DNAH12: variants seen among roughly 807,000 people sequenced by gnomAD.
DNAH12 encodes the protein dynein axonemal heavy chain 12, also known as axonemal beta dynein heavy chain 12.
A neutral mutation model predicts 371.5 loss-of-function variants in DNAH12; 285 were observed. The ratio of observed to expected loss-of-function variants is 0.77; its 90% CI spans 0.70 to 0.85. The LOEUF (loss-of-function observed/expected upper bound fraction) is 0.85, where lower values mean the gene tolerates loss of function less well. Ranked by LOEUF, DNAH12 falls within the 40% of genes least tolerant of loss-of-function variation. The pLI is 0.00. For missense variants in DNAH12, 3,611 were observed against 3,689.4 expected (o/e 0.98, Z 0.55); for synonymous variants, 1,200 against 1,213.0 (o/e 0.99, Z 0.22).
chr3:57,402,768 C>T (rs1553679393), intron 43 of DNAH12, among the ~76,000 whole-genome samples: 1 of 152,100 alleles, frequency 6.6e-6, no homozygotes, highest in Non-Finnish European at 1.5e-5. Flanking sequence ...TTCAATAGTA[C>T]AATAGCGCAA....
chr3:57,396,278 C>CAAAA (rs1191377249), intron 43 of DNAH12, among the ~76,000 whole-genome samples: 2 of 100,394 alleles, frequency 2.0e-5, no homozygotes, highest in Admixed American at 1.2e-4. Flanking sequence ...GACTGCATCT[C>CAAAA]AAAAAAAAAA....
At chr3:57,346,901 C>CA (rs74310608) in intron 60 of DNAH12, among the ~76,000 whole-genome samples, 47,976 of 151,904 alleles carry the variant, frequency 0.32, 8,571 homozygotes, top group Non-Finnish European at 0.41. Flanking sequence ...CAGAATCTCC[C>CA]AAAACTCTCA....
At position 57,296,465 on chromosome 3, in the gene DNAH12, T is replaced by A. The variant is rs1395975841; in HGVS notation, c.11533-30A>T. 28 of 1,484,300 alleles carry A rather than the reference T, an allele frequency of 1.9e-5. No homozygotes were observed. In the Admixed American group the frequency reaches 5.3e-4, roughly 28 times the overall value. 91.9% of individuals were successfully genotyped at this position (1,484,300 alleles called of 1,614,324 possible). A position where few individuals can be genotyped will look rare whatever the true frequency, so the allele number is the denominator to read the frequency against. ...AGGGATAGGCACACACTAGCAGTGA[T>A]CCTCTCCAGACAACTTCATCTCATA... is the stretch of plus-strand genomic sequence containing the variant. On this transcript the variant is annotated intron_variant, in intron 71 of 73. Coordinates refer to ENST00000495027, the MANE Select transcript of DNAH12 (RefSeq NM_001366028.2).
intron 69 of DNAH12, among the ~76,000 whole-genome samples, chr3:57,304,723 G>A (rs1460100379): frequency 6.6e-6 from 1 of 152,116 alleles, no homozygotes; most frequent in Non-Finnish European, 1.5e-5. Context: ...TTAGCAGCAA[G>A]TACCGCTTTT....
intron 16 of DNAH12, among the ~76,000 whole-genome samples, chr3:57,469,760 T>G (rs1473317622): frequency 6.6e-6 from 1 of 152,154 alleles, no homozygotes; most frequent in Non-Finnish European, 1.5e-5. Flanking sequence ...TGTTCTCACT[T>G]TGAAGTGGGA....
At chr3:57,425,240 T>C in intron 34 of DNAH12, 99 bp from the exon 35 acceptor site, 1 of 627,334 alleles carries the variant, frequency 1.6e-6, no homozygotes, top group Non-Finnish European at 2.8e-6. Context: ...ATACATGGTT[T>C]TAATAAGGTC....
At chr3:57,516,223 C>T (rs1241254960) in intron 4 of DNAH12, among the ~76,000 whole-genome samples, 1 of 151,740 alleles carries the variant, frequency 6.6e-6, no homozygotes, top group Non-Finnish European at 1.5e-5. Flanking sequence ...GCCACCATGC[C>T]CGGCTAATTT....
rs373886381 is a variant in DNAH12, at chr3:57,334,858, C to A, written c.9757G>T (p.Asp3253Tyr). The A allele has an allele frequency of 2.8e-5, 43 of 1,551,808 alleles. 1 individual carries two copies. The highest frequency in any genetic ancestry group is 3.7e-5 in the Non-Finnish European group (43 of 1,147,042). ...CTTTTGTCCTGTAGCCAAGTTGGAT[C>A]AGGATTTTTCTCAGCACTTTTAAGA... ...VSLKSAEKNP[D>Y]PTWLQDKSWE... The change falls in exon 61 of 74, where the codon GAT becomes TAT. Residue 3253 changes from aspartate (D) to tyrosine (Y), a missense_variant. Physicochemically the swap from Asp to Tyr is radical, Grantham distance 160 (BLOSUM62 -3). Coordinates refer to ENST00000495027, the MANE Select transcript of DNAH12 (RefSeq NM_001366028.2).
intron 37 of DNAH12, among the ~76,000 whole-genome samples, chr3:57,416,267 C>T (rs560886298): frequency 2.6e-5 from 4 of 152,078 alleles, no homozygotes; most frequent in South Asian, 4.2e-4. Flanking sequence ...TTACTTTTAA[C>T]GTTTTAAAGA....
chr3:57,367,951 C>T (rs1395153162), intron 56 of DNAH12, 95 bp downstream of exon 56: 2 of 152,210 alleles, frequency 1.3e-5, no homozygotes, highest in Non-Finnish European at 2.9e-5. Flanking sequence ...GCATTATTAA[C>T]ATTATTATTA....
Position 57,508,435 on chromosome 3 carries a change from G to A in DNAH12, c.648C>T (p.Asp216=), listed in dbSNP as rs2067856613. The change falls in exon 7 of 74, where the codon GAC becomes GAT. Residue 216 remains aspartate, a synonymous_variant. Transcript: ENST00000495027. ...IIHPTMKMLL[D]LGYTTFADTV... ...TATCAGCAAATGTTGTATAACCAAG[G>A]TCCAGTAACATTTTCATAGTTGGAT... 1 of 1,612,620 alleles carries A rather than the reference G, an allele frequency of 6.2e-7. No homozygotes were observed. The highest frequency in any genetic ancestry group is 1.1e-5 in the South Asian group (1 of 90,668).
In DNAH12 at chr3:57,541,907, G is replaced by C. The variant is rs1158098682; in HGVS notation, c.170+794C>G. ...CAAAAAAAGGTTTTTAAATAAGGCCGACCAAGAAAGGAAAGAGAATGTAGA... is the reference window on the plus strand; with the variant it reads ...CAAAAAAAGGTTTTTAAATAAGGCCCACCAAGAAAGGAAAGAGAATGTAGA... On this transcript the variant is annotated intron_variant, in intron 2 of 73. Transcript: ENST00000495027. 2.0e-5 allele frequency among the ~76,000 whole-genome samples: 3 copies of C among 152,064 alleles called. No homozygotes were observed. The East Asian group carries it at 5.8e-4, about 29-fold the overall frequency.
chr3:57,511,669 C>G (rs575361600), intron 4 of DNAH12, among the ~76,000 whole-genome samples: 5 of 152,230 alleles, frequency 3.3e-5, no homozygotes, highest in African/African-American at 9.6e-5. Flanking sequence ...GGAGGGCTAG[C>G]CCTAGGAGAC....
chr3:57,431,993 A>C (rs2064969126), intron 32 of DNAH12, among the ~76,000 whole-genome samples: 1 of 152,146 alleles, frequency 6.6e-6, no homozygotes, highest in South Asian at 2.1e-4. Context: ...CCTCTCATGC[A>C]GTAAGAGACA....
intron 51 of DNAH12, among the ~76,000 whole-genome samples, chr3:57,379,567 G>A (rs2063344314): frequency 6.6e-6 from 1 of 152,006 alleles, no homozygotes; most frequent in African/African-American, 2.4e-5. Context: ...TAGGCTGGGT[G>A]CAGTGGCTCA....
Position 57,421,186 on chromosome 3 carries a change from A to G in DNAH12, c.5562+332T>C, listed in dbSNP as rs560608741. ...TAAAACTTGAGATTTAAGTGAAATT[A>G]TAACTAATGCTCTATCTAGATCTTA... On this transcript the variant is annotated intron_variant, in intron 36 of 73. Coordinates refer to ENST00000495027, the MANE Select transcript of DNAH12 (RefSeq NM_001366028.2). 2.0e-5 allele frequency among the ~76,000 whole-genome samples: 3 copies of G among 152,312 alleles called. No homozygotes were observed. In the East Asian group the frequency reaches 5.8e-4, roughly 29 times the overall value.
intron 4 of DNAH12, chr3:57,519,816 T>C (rs1575724010): frequency 7.3e-7 from 1 of 1,371,012 alleles, no homozygotes; most frequent in Non-Finnish European, 1.0e-6. Context: ...TGTTTTCAGC[T>C]TGACATCTGA....
chr3:57,339,419 A>G (rs1364480132), intron 60 of DNAH12, among the ~76,000 whole-genome samples: 1 of 151,990 alleles, frequency 6.6e-6, no homozygotes, highest in Non-Finnish European at 1.5e-5. Context: ...ATCTCATGAG[A>G]AAGAGTAGAA....
At chr3:57,462,589 C>G in intron 18 of DNAH12, 101 bp downstream of exon 18, 1 of 1,356,088 alleles carries the variant, frequency 7.4e-7, no homozygotes, top group Non-Finnish European at 9.8e-7. Flanking sequence ...CATCACCTCC[C>G]GCGCTATCCA....
Sources: gnomAD v4.1 joint callset for allele counts (sites outside exome capture counted in the v4.1 genomes callset) on GRCh38, gnomAD v4.1.1 for gene constraint, MANE v1.5 for transcripts, NCBI Gene and HGNC (gene_info 2026-07-23, HGNC 2026-07-21) for gene names.